Variants in ARHGAP33 observed in about 807,000 individuals in gnomAD.
The protein encoded by ARHGAP33 is Rho GTPase activating protein 33.
A neutral mutation model predicts 126.2 loss-of-function variants in ARHGAP33; 57 were observed. The observed-to-expected ratio is 0.45, with a 90% CI of 0.36 to 0.56. The LOEUF (loss-of-function observed/expected upper bound fraction) is 0.56, where lower values mean the gene tolerates loss of function less well. Ranked by LOEUF, ARHGAP33 falls within the 20% of genes least tolerant of loss-of-function variation. ARHGAP33 has a pLI of 0.00. For missense variants in ARHGAP33, 1,500 were observed against 1,748.3 expected, an observed-to-expected ratio of 0.86 and a Z score of 2.53; for synonymous variants, 711 against 755.0, an observed-to-expected ratio of 0.94 and a Z score of 0.95.
Position 35,786,815 on chromosome 19 carries a change from G to A in ARHGAP33, c.2345G>A (p.Arg782Gln), listed in dbSNP as rs764688847. Residue 782 changes from arginine (R) to glutamine (Q), a missense_variant, in exon 20 of 21, where the codon CGG (arginine) becomes CAG (glutamine). Arg to Gln is a conservative substitution (Grantham distance 43, BLOSUM62 1). Around this residue, in one of 6 missense-constraint regions of ARHGAP33, gnomAD observed 73 missense variants for 110.8 expected, o/e 0.66. Transcript: ENST00000007510. This position sits in a 1 kb window ranked among gnomAD's most constrained non-coding sequence, Gnocchi z 7.0. ...PRVTPQAISPRGPTSPASPAA... is the reference protein window; with the variant it reads ...PRVTPQAISPQGPTSPASPAA... ...GTGACCCCCCAGGCCATCTCGCCCC[G>A]GGGGCCCACCAGCCCCGCCTCGCCT... 61 of 1,286,746 alleles carry A rather than the reference G, an allele frequency of 4.7e-5. No individual in the cohort carries two copies. The highest frequency in any genetic ancestry group is 5.3e-5 in the Non-Finnish European group (53 of 991,462). The allele number at this position is 1,286,746 out of a possible 1,614,324, so 79.7% of individuals were successfully genotyped here.
chr19:35,786,205 TCACAGCCTGTGGGG>T lies in ARHGAP33; in HGVS notation c.1943-205_1943-192del. ...GTATGTGAATCTGTTGGTCTCGTGC[TCACAGCCTGTGGGG>T]CAGCCACAGGGCCTTCGTGCTTTGG... On this transcript the variant is annotated intron_variant, in intron 19 of 20. Transcript: ENST00000007510. The surrounding 1 kb of genome is among the most constrained non-coding windows in gnomAD (Gnocchi z 7.0). 1 of 1,411,410 alleles carries T rather than the reference TCACAGCCTGTGGGG, an allele frequency of 7.1e-7. No individual in the cohort carries two copies. Among genetic ancestry groups the T allele is most frequent in the South Asian group, 1.6e-5 (1 of 61,412 alleles). 87.4% of individuals were successfully genotyped at this position (1,411,410 alleles called of 1,614,324 possible).
chr19:35,780,142 A>G (rs1971677555), intron 6 of ARHGAP33, 69 bp from the exon 7 acceptor site: 2 of 1,586,754 alleles, frequency 1.3e-6, no homozygotes, highest in Non-Finnish European at 1.7e-6. Flanking sequence ...CCCAGCGCGG[A>G]GGAGCTTGGT....
At position 35,779,024 on chromosome 19, in the gene ARHGAP33, G is replaced by T. The variant is rs1220909873; in HGVS notation, c.409-8G>T. The T allele has an allele frequency of 6.5e-7, 1 of 1,549,652 alleles. No homozygotes were observed. Among genetic ancestry groups the T allele is most frequent in the East Asian group, 2.4e-5 (1 of 40,910 alleles). On this transcript the variant is annotated splice_region_variant and splice_polypyrimidine_tract_variant and intron_variant, in intron 5 of 20. Transcript: ENST00000007510. Reference sequence around the variant, plus strand: ...TCACAGAGGCCCACTCTGACAACCTGCCCCCAGATGCTGGTGCCACTGCTG... The same window carrying T: ...TCACAGAGGCCCACTCTGACAACCTTCCCCCAGATGCTGGTGCCACTGCTG...
intron 3 of ARHGAP33, 39 bp from the exon 4 acceptor site, chr19:35,778,241 G>C: frequency 6.2e-7 from 1 of 1,609,450 alleles, no homozygotes; most frequent in Non-Finnish European, 8.5e-7. Context: ...GGTCAGGACT[G>C]GGACAAAAGT....
rs1187015243 is a variant in ARHGAP33 at position 35,786,662 on chromosome 19, G to A, written c.2192G>A (p.Cys731Tyr). 2.0e-6 allele frequency: 3 copies of A among 1,535,742 alleles called. No individual in the cohort carries two copies. Among genetic ancestry groups the A allele is most frequent in the East Asian group, 4.9e-5 (2 of 40,896 alleles). Residue 731 changes from cysteine (C) to tyrosine (Y), a missense_variant, in exon 20 of 21, where the codon TGC becomes TAC. Transcript: ENST00000007510. This position sits in a 1 kb window ranked among gnomAD's most constrained non-coding sequence, Gnocchi z 7.0. Reference protein sequence around the residue: ...GDELDFSPPRCLEGLRGLDFD... With the variant: ...GDELDFSPPRYLEGLRGLDFD... Reference sequence around the variant, plus strand: ...GAGCTGGACTTCAGCCCACCCCGCTGCCTGGAGGGACTCCGGGGGCTGGAC... The same window carrying A: ...GAGCTGGACTTCAGCCCACCCCGCTACCTGGAGGGACTCCGGGGGCTGGAC...
Position 35,787,802 on chromosome 19 carries a change from C to T in ARHGAP33, c.3237C>T (p.Leu1079=), listed in dbSNP as rs772107035. 9.4e-6 allele frequency: 15 copies of T among 1,598,308 alleles called. No homozygotes were observed. Among genetic ancestry groups the T allele is most frequent in the East Asian group, 6.7e-5 (3 of 44,798 alleles). ...WRSSLGPPAP[L]DRGENLYYEI... is the part of the protein sequence containing the mutation. ...GCTCTCTGGGCCCCCCTGCACCACT[C>T]GACAGGGGAGAGAACCTGTACTATG... The change falls in exon 21 of 21, where the codon CTC becomes CTT. Residue 1079 remains leucine (L), a synonymous_variant. Coordinates refer to ENST00000007510, the MANE Select transcript of ARHGAP33 (RefSeq NM_001366178.1).
rs887452886 is a variant in ARHGAP33, at chr19:35,784,425, C to T, written c.1567+108C>T. Reference sequence around the variant, plus strand: ...CCGTCCCCACCCCACTGAAGCTGGGCCTCCCTCCGGCTCCTTGAGGATCCC... The same window carrying T: ...CCGTCCCCACCCCACTGAAGCTGGGTCTCCCTCCGGCTCCTTGAGGATCCC... On this transcript the variant is annotated intron_variant, in intron 16 of 20. Coordinates refer to ENST00000007510, the MANE Select transcript of ARHGAP33 (RefSeq NM_001366178.1). 32 of 1,432,718 alleles carry T rather than the reference C, an allele frequency of 2.2e-5. No homozygotes were observed. The African/African-American group carries it at 4.1e-4, about 19-fold the overall frequency. 88.8% of individuals were successfully genotyped at this position (1,432,718 alleles called of 1,614,324 possible).
At chr19:35,779,241 C>A in intron 6 of ARHGAP33, 117 bp downstream of exon 6, 1 of 760,868 alleles carries the variant, frequency 1.3e-6, no homozygotes, top group South Asian at 1.9e-5. Flanking sequence ...GTGGAGGAGG[C>A]GTTGATATTT....
chr19:35,783,412 T>C (rs1458242746), intron 15 of ARHGAP33, among the ~76,000 whole-genome samples: 1 of 150,588 alleles, frequency 6.6e-6, no homozygotes. Context: ...GAGAAGGGAG[T>C]GTACAGTTTT....
In ARHGAP33 at chr19:35,787,441, C is replaced by T. The variant is rs755092058; in HGVS notation, c.2876C>T (p.Pro959Leu). 19 of 1,611,862 alleles carry T rather than the reference C, an allele frequency of 1.2e-5. No homozygotes were observed. The highest frequency in any genetic ancestry group is 8.8e-5 in the South Asian group (8 of 90,986). The part of the protein sequence containing the change: ...SGPPPNSLAH[P>L]GAWVPGPPPY... ...CCACCTCCCAACTCCCTAGCACACC[C>T]GGGTGCCTGGGTCCCGGGACCCCCA... The change falls in exon 21 of 21, where the codon CCG (proline) becomes CTG (leucine). Residue 959 changes from proline (P) to leucine (L), a missense_variant. Pro to Leu is a moderately conservative substitution (Grantham distance 98, BLOSUM62 -3). This residue lies in a region of ARHGAP33 where 642 missense variants were observed against 634.0 expected (regional missense o/e 1.01). Coordinates refer to ENST00000007510, the MANE Select transcript of ARHGAP33 (RefSeq NM_001366178.1).
chr19:35,780,437 C>T lies in ARHGAP33; in HGVS notation c.641C>T (p.Ser214Leu). The T allele has an allele frequency of 3.1e-6, 5 of 1,596,332 alleles. No homozygotes were observed. The highest frequency in any genetic ancestry group is 2.7e-5 in the African/African-American group (2 of 74,652). The change falls in exon 8 of 21, where the codon TCG (serine) becomes TTG (leucine). Residue 214 changes from serine to leucine, a missense_variant. Transcript: ENST00000007510. ...CTCTCCCAGGTGGGAGACATTGTCT[C>T]GGTGATCGACATGCCACCCACAGAG... ...ELSFEVGDIV[S>L]VIDMPPTEDR...
Position 35,784,305 on chromosome 19 carries a change from C to A in ARHGAP33, c.1555C>A (p.Leu519Ile). 6.3e-7 allele frequency: 1 copy of A among 1,582,910 alleles called. No homozygotes were observed. The highest frequency in any genetic ancestry group is 1.2e-5 in the South Asian group (1 of 85,884). ...LFSDTFTSAGLDPAGRCLLPR... is the reference protein window; with the variant it reads ...LFSDTFTSAGIDPAGRCLLPR... ...CAGCGACACCTTCACCTCCGCCGGC[C>A]TCGACCCTGCAGGTATGCCCTCCCA... Residue 519 changes from leucine to isoleucine, a missense_variant, in exon 16 of 21, where the codon CTC becomes ATC. Coordinates refer to ENST00000007510, the MANE Select transcript of ARHGAP33 (RefSeq NM_001366178.1).
rs777165363 is a variant in ARHGAP33, at chr19:35,787,536, A to G, written c.2971A>G (p.Arg991Gly). Residue 991 changes from arginine to glycine, a missense_variant, in exon 21 of 21, where the codon AGG (arginine) becomes GGG (glycine). Arg to Gly is a moderately radical substitution (Grantham distance 125). Around this residue, in one of 6 missense-constraint regions of ARHGAP33, gnomAD observed 642 missense variants for 634.0 expected, o/e 1.01. Transcript: ENST00000007510. ...RSQRPMGTSRRGLRGPAQVSA... is the reference protein window; with the variant it reads ...RSQRPMGTSRGGLRGPAQVSA... ...CCAGCGGCCCATGGGGACCTCAAGGAGGGGACTCCGAGGCCCTGCCCAGGT... is the reference window on the plus strand; with the variant it reads ...CCAGCGGCCCATGGGGACCTCAAGGGGGGGACTCCGAGGCCCTGCCCAGGT... 1.9e-6 allele frequency: 3 copies of G among 1,611,878 alleles called. No homozygotes were observed. The highest frequency in any genetic ancestry group is 2.2e-5 in the South Asian group (2 of 91,080).
At position 35,785,197 on chromosome 19, in the gene ARHGAP33, G is replaced by T; in HGVS notation, c.1730G>T (p.Gly577Val). 6.3e-7 allele frequency: 1 copy of T among 1,576,868 alleles called. No homozygotes were observed. Among genetic ancestry groups the T allele is most frequent in the Non-Finnish European group, 8.6e-7 (1 of 1,157,846 alleles). Residue 577 changes from glycine (G) to valine (V), a missense_variant, in exon 18 of 21, where the codon GGG (glycine) becomes GTG (valine). Transcript: ENST00000007510. ...APASPAERRK[G>V]ERGEKQRKPG... Reference sequence around the variant, plus strand: ...TCTCCCCCAAACCGCAGGAGGAAAGGGGAGAGAGGGGAGAAGCAGCGGAAG... The same window carrying T: ...TCTCCCCCAAACCGCAGGAGGAAAGTGGAGAGAGGGGAGAAGCAGCGGAAG...
rs891045126 is a variant in ARHGAP33, at chr19:35,781,432, C to T, written c.1085+180C>T. Among the ~76,000 whole-genome samples, 76 of 152,158 alleles carry T rather than the reference C, an allele frequency of 5.0e-4. 1 individual carries two copies. Among genetic ancestry groups the T allele is most frequent in the Admixed American group, 4.3e-3 (65 of 15,284 alleles). ...CAGTCTAAGCGAGGACTATCTTCAC[C>T]GAGCACCTGCCACGTGCCAGGCACT... On this transcript the variant is annotated intron_variant, in intron 12 of 20. Transcript: ENST00000007510.
chr19:35,786,032 C>T lies in ARHGAP33; in HGVS notation c.1943-381C>T. ...GCCCGCCGCGCTGCTGGGTGCTGCT[C>T]TCCGACCTCTGCGGGGGGCTGCTTA... On this transcript the variant is annotated intron_variant, in intron 19 of 20. Transcript: ENST00000007510. The surrounding 1 kb of genome is among the most constrained non-coding windows in gnomAD (Gnocchi z 7.0). 8.7e-7 allele frequency: 1 copy of T among 1,145,968 alleles called. No homozygotes were observed. The highest frequency in any genetic ancestry group is 1.1e-6 in the Non-Finnish European group (1 of 930,786). The allele number at this position is 1,145,968 out of a possible 1,614,324, so 71.0% of individuals were successfully genotyped here. A position where few individuals can be genotyped will look rare whatever the true frequency, so the allele number is the denominator to read the frequency against.
Position 35,785,300 on chromosome 19 carries a change from G to A in ARHGAP33, c.1833G>A (p.Trp611Ter). 1 of 1,605,920 alleles carries A rather than the reference G, an allele frequency of 6.2e-7. No homozygotes were observed. The highest frequency in any genetic ancestry group is 8.5e-7 in the Non-Finnish European group (1 of 1,175,364). ...PSVPRKKPLP[W>*]LGGTRAPPQP... ...TCCCTCGAAAGAAGCCCCTGCCCTG[G>A]CTGGGGGGCACCCGTGCCCCACCGC... Residue 611 changes from tryptophan to a stop codon, truncating the protein, a stop_gained, in exon 18 of 21, where the codon TGG (tryptophan) becomes TGA (stop). Transcript: ENST00000007510. LOFTEE classifies it high-confidence loss of function.
At chr19:35,776,456 C>A (rs1018561096) in intron 1 of ARHGAP33, among the ~76,000 whole-genome samples, 29 of 152,150 alleles carry the variant, frequency 1.9e-4, no homozygotes, top group African/African-American at 6.8e-4. Flanking sequence ...CCTTGGGGAA[C>A]CTTATGGGCT....
rs371687695 is a variant in ARHGAP33 at position 35,782,641 on chromosome 19, G to A, written c.1275G>A (p.Val425=). 339 of 1,613,380 alleles carry A rather than the reference G, an allele frequency of 2.1e-4. 1 individual carries two copies. The highest frequency in any genetic ancestry group is 2.8e-4 in the Non-Finnish European group (325 of 1,179,850). The change falls in exon 14 of 21, where the codon GTG becomes GTA. Residue 425 remains valine, a synonymous_variant. Transcript: ENST00000007510. This position sits in a 1 kb window ranked among gnomAD's most constrained non-coding sequence, Gnocchi z 4.1. ...GGGAGGAGGAGCGTCTGGTGCGGGT[G>A]CACGATGTCATCCAGCAGCTGCCCC... The part of the protein sequence containing the change: ...VPGEEERLVR[V]HDVIQQLPPP...
Sources: gnomAD v4.1 joint callset for allele counts (sites outside exome capture counted in the v4.1 genomes callset) on GRCh38, gnomAD v4.1.1 for gene constraint, gnomAD v4.1.1 regional missense constraint, Gnocchi (gnomAD v3.1) non-coding constraint, MANE v1.5 for transcripts, NCBI Gene and HGNC (gene_info 2026-07-23, HGNC 2026-07-21) for gene names.